Variants in DNAAF4 observed in about 807,000 individuals in gnomAD.
The protein encoded by DNAAF4 is dynein assembly factor 4, axonemal.
In DNAAF4, 43 loss-of-function variants were observed where a neutral mutation model predicts 51.8. The ratio of observed to expected loss-of-function variants is 0.83; its 90% CI spans 0.65 to 1.07. DNAAF4 has a LOEUF of 1.07. Ranked by LOEUF, DNAAF4 falls within the 50% of genes least tolerant of loss-of-function variation. The pLI, the probability that DNAAF4 is intolerant of heterozygous loss-of-function variation, is 0.00. For missense variants in DNAAF4, 581 were observed against 493.0 expected (o/e 1.18, Z -1.69); for synonymous variants, 194 against 165.6 (o/e 1.17, Z -1.32).
chr15:55,495,999 G>A (rs1362602126), intron 3 of DNAAF4, among the ~76,000 whole-genome samples: 2 of 152,202 alleles, frequency 1.3e-5, no homozygotes. Flanking sequence ...GGCCGAGGTG[G>A]GTGGATCACT....
chr15:55,496,513 TA>T (rs896026696), intron 3 of DNAAF4, among the ~76,000 whole-genome samples: 1 of 151,888 alleles, frequency 6.6e-6, no homozygotes, highest in Non-Finnish European at 1.5e-5. Context: ...GCCTCCCCTG[TA>T]AAAAAAGGGT....
rs1269364939 is a variant in DNAAF4, at chr15:55,473,221, ATGTGTGTGTG to A, written c.406-6070_406-6061del. Among the ~76,000 whole-genome samples the A allele has an allele frequency of 1.4e-3, 136 of 96,966 alleles. 1 individual carries two copies. The highest frequency in any genetic ancestry group is 1.9e-3 in the Non-Finnish European group (95 of 48,886). 63.6% of individuals were successfully genotyped at this position (96,966 alleles called of 152,430 possible). A position where few individuals can be genotyped will look rare whatever the true frequency, so the allele number is the denominator to read the frequency against. On this transcript the variant is annotated intron_variant, in intron 4 of 9. Transcript: ENST00000321149. ...AAAATATATATATATATATATATAT[ATGTGTGTGTG>A]TATATATATATATGTGTGTGTATAT... is the stretch of plus-strand genomic sequence containing the variant.
Position 55,450,245 on chromosome 15 carries a change from A to T in DNAAF4, c.760T>A (p.Ser254Thr), listed in dbSNP as rs746060028. The change falls in exon 6 of 10, where the codon TCA (serine) becomes ACA (threonine). Residue 254 changes from serine (S) to threonine (T), a missense_variant. Coordinates refer to ENST00000321149, the MANE Select transcript of DNAAF4 (RefSeq NM_130810.4). ...PRVFPTALRE[S>T]QVAEEEEWLH... is the part of the protein sequence containing the mutation. ...ACCTCCTCCTCTTCTGCTACTTGTG[A>T]TTCACGAAGAGCTGTTGGGAATACT... The T allele has an allele frequency of 6.4e-5, 104 of 1,612,426 alleles. No homozygotes were observed. Among genetic ancestry groups the T allele is most frequent in the Non-Finnish European group, 8.4e-5 (99 of 1,179,698 alleles).
chr15:55,467,913 C>G (rs567698970), intron 4 of DNAAF4, among the ~76,000 whole-genome samples: 74 of 152,088 alleles, frequency 4.9e-4, no homozygotes, highest in East Asian at 2.3e-3. Context: ...AAACAGAGTA[C>G]CTAGTTGGTG....
chr15:55,445,519 T>A (rs974348768), intron 6 of DNAAF4, among the ~76,000 whole-genome samples: 3 of 152,104 alleles, frequency 2.0e-5, no homozygotes, highest in Non-Finnish European at 4.4e-5. Flanking sequence ...AAAACCGCCA[T>A]CGTCATCATG....
In DNAAF4 at chr15:55,498,249, G is replaced by T. The variant is rs747528905; in HGVS notation, c.81C>A (p.Cys27Ter). The T allele has an allele frequency of 6.8e-6, 11 of 1,613,658 alleles. No homozygotes were observed. Among genetic ancestry groups the T allele is most frequent in the Non-Finnish European group, 8.5e-6 (10 of 1,179,858 alleles). The change falls in exon 2 of 10, where the codon TGC becomes TGA. Residue 27 changes from cysteine to a stop codon, truncating the protein, a stop_gained. Transcript: ENST00000321149. LOFTEE classifies it high-confidence loss of function. ...TGCAGAACACGTCCGTGTCTCTGAC[G>T]CACACGCCTTTGAGGGGCAGAGACA... ...VFLSLPLKGV[C>*]VRDTDVFCTE... is the part of the protein sequence containing the mutation.
chr15:55,442,864 A>G (rs1595899011), intron 6 of DNAAF4: 1 of 1,612,540 alleles, frequency 6.2e-7, no homozygotes, highest in Middle Eastern at 2.1e-4. Flanking sequence ...ACACATACCA[A>G]CAGTAGCATC....
chr15:55,434,343 C>T (rs979402856), intron 8 of DNAAF4, among the ~76,000 whole-genome samples: 17 of 151,762 alleles, frequency 1.1e-4, no homozygotes, highest in African/African-American at 3.1e-4. Context: ...GTGATGAAGA[C>T]TTGGTTGTGT....
rs3049057 is a variant in DNAAF4 at position 55,498,593 on chromosome 15, G to GAAAAAAAAAAAAAAAAAAAAAAA, written c.-255-10_-255-9insTTTTTTTTTTTTTTTTTTTTTTT. ...AAGTAGACCCATACCCTCTGCTTGAGAAAAAAAAAAAAAAAAAAAAGCACT... is the reference window on the plus strand; with the variant it reads ...AAGTAGACCCATACCCTCTGCTTGAGAAAAAAAAAAAAAAAAAAAAAAAAAAAAAAAAAAAAAAAAAAAGCACT... On this transcript the variant is annotated splice_polypyrimidine_tract_variant and intron_variant, in intron 1 of 9. Transcript: ENST00000321149. 1 of 74,630 alleles carries GAAAAAAAAAAAAAAAAAAAAAAA rather than the reference G, an allele frequency of 1.3e-5. No homozygotes were observed. Among genetic ancestry groups the GAAAAAAAAAAAAAAAAAAAAAAA allele is most frequent in the Admixed American group, 1.8e-4 (1 of 5,622 alleles). 4.6% of individuals were successfully genotyped at this position (74,630 alleles called of 1,614,324 possible).
rs1182584775 is a variant in DNAAF4 at position 55,473,203 on chromosome 15, A to ATATATATATATATATGTGTGTG, written c.406-6043_406-6042insCACACACATATATATATATATA. On this transcript the variant is annotated intron_variant, in intron 4 of 9. Coordinates refer to ENST00000321149, the MANE Select transcript of DNAAF4 (RefSeq NM_130810.4). The stretch of plus-strand genomic sequence containing the variant: ...AAAAAAACCTAAAAAAAAAAAATAT[A>ATATATATATATATATGTGTGTG]TATATATATATATATATATGTGTGT... Among the ~76,000 whole-genome samples, 12 of 102,546 alleles carry ATATATATATATATATGTGTGTG rather than the reference A, an allele frequency of 1.2e-4. 3 individuals carry two copies. The highest frequency in any genetic ancestry group is 4.2e-4 in the African/African-American group (12 of 28,734). 67.3% of individuals were successfully genotyped at this position (102,546 alleles called of 152,430 possible).
chr15:55,422,912 G>A (rs1044075767), intron 7 of DNAAF4, among the ~76,000 whole-genome samples: 25 of 151,958 alleles, frequency 1.6e-4, no homozygotes, highest in Non-Finnish European at 3.5e-4. Flanking sequence ...CAGGAGAATC[G>A]CTTGAACCCA....
chr15:55,478,588 C>A (rs2058366937), intron 4 of DNAAF4, among the ~76,000 whole-genome samples: 1 of 152,208 alleles, frequency 6.6e-6, no homozygotes, highest in Admixed American at 6.5e-5. Flanking sequence ...GTCAAACACA[C>A]TGCTATCCCA....
intron 7 of DNAAF4, among the ~76,000 whole-genome samples, chr15:55,420,596 C>A (rs185396019): frequency 2.8e-4 from 43 of 152,120 alleles, no homozygotes; most frequent in Non-Finnish European, 5.1e-4. Context: ...CTTCCAAATA[C>A]CCCCCCAAAA....
chr15:55,498,432 C>T lies in DNAAF4; in HGVS notation c.-103G>A, dbSNP rs1425860481. On this transcript the variant is annotated 5_prime_UTR_variant, in exon 2 of 10. Transcript: ENST00000321149. Reference sequence around the variant, plus strand: ...ATGCGCCAGCCCTTCCGGGTCAGGCCGGCCGGGAGCCCGGCGTTCCCAGCG... The same window carrying T: ...ATGCGCCAGCCCTTCCGGGTCAGGCTGGCCGGGAGCCCGGCGTTCCCAGCG... 7 of 1,484,730 alleles carry T rather than the reference C, an allele frequency of 4.7e-6. No homozygotes were observed. In the East Asian group the frequency reaches 9.7e-5, roughly 20 times the overall value. 92.0% of individuals were successfully genotyped at this position (1,484,730 alleles called of 1,614,324 possible).
intron 3 of DNAAF4, among the ~76,000 whole-genome samples, chr15:55,493,833 A>G (rs2058604488): frequency 6.6e-6 from 1 of 151,944 alleles, no homozygotes; most frequent in Non-Finnish European, 1.5e-5. Context: ...CCTCCCAAGT[A>G]GCTGGGACTA....
intron 4 of DNAAF4, among the ~76,000 whole-genome samples, chr15:55,478,888 A>G (rs2141549085): frequency 6.6e-6 from 1 of 152,268 alleles, no homozygotes; most frequent in Middle Eastern, 3.4e-3. Context: ...ATTTTGGTCA[A>G]GCCCTGAGTA....
intron 4 of DNAAF4, among the ~76,000 whole-genome samples, chr15:55,472,682 A>G (rs2058271775): frequency 6.6e-6 from 1 of 152,214 alleles, no homozygotes; most frequent in East Asian, 1.9e-4. Context: ...GCCATTTACT[A>G]CAGGTTATTA....
chr15:55,501,991 C>T (rs965839208), intron 1 of DNAAF4, among the ~76,000 whole-genome samples: 2 of 151,248 alleles, frequency 1.3e-5, no homozygotes, highest in Non-Finnish European at 1.5e-5. Flanking sequence ...TGCATTGAGC[C>T]GAGATCATGC....
At chr15:55,463,172 TCACACACACACACACA>T (rs3221985) in intron 5 of DNAAF4, among the ~76,000 whole-genome samples, 4 of 140,388 alleles carry the variant, frequency 2.8e-5, no homozygotes, top group East Asian at 2.1e-4. Context: ...AGACTCTGTC[TCACACACACACACACA>T]CACACACACA....
Sources: allele counts gnomAD v4.1 joint callset (sites outside exome capture counted in the v4.1 genomes callset), GRCh38; gene constraint gnomAD v4.1.1; transcripts MANE v1.5; gene names NCBI Gene and HGNC (gene_info 2026-07-23, HGNC 2026-07-21).